Variants in CACNA2D1 observed in about 807,000 individuals in gnomAD.
CACNA2D1 encodes voltage-dependent calcium channel subunit alpha-2/delta-1.
In CACNA2D1, 53 loss-of-function variants were observed where a neutral mutation model predicts 171.5. The ratio of observed to expected loss-of-function variants is 0.31; its 90% CI spans 0.25 to 0.39. The LOEUF (loss-of-function observed/expected upper bound fraction) is 0.39. CACNA2D1 is among the 10% of genes least tolerant of loss of function. CACNA2D1 has a pLI of 1.00. For missense variants in CACNA2D1, 903 were observed against 1,299.8 expected, an observed-to-expected ratio of 0.69 and a Z score of 4.69; for synonymous variants, 442 against 443.1, an observed-to-expected ratio of 1.00 and a Z score of 0.03.
chr7:82,291,199 T>G (rs1341271832), intron 3 of CACNA2D1, among the ~76,000 whole-genome samples: 1 of 140,596 alleles, frequency 7.1e-6, no homozygotes, highest in African/African-American at 2.7e-5. Flanking sequence ...TATAGAATTC[T>G]ATATCTATAA....
chr7:82,071,748 G>T (rs572438391), intron 7 of CACNA2D1, among the ~76,000 whole-genome samples: 1 of 152,218 alleles, frequency 6.6e-6, no homozygotes, highest in South Asian at 2.1e-4. Context: ...AGACTGCCCT[G>T]CCAGAAACTA....
At chr7:82,055,918 A>ATGTG (rs541931399) in intron 10 of CACNA2D1, among the ~76,000 whole-genome samples, 2 of 54,016 alleles carry the variant, frequency 3.7e-5, no homozygotes, top group African/African-American at 9.7e-5. Flanking sequence ...TATAATAAAT[A>ATGTG]TGTGTGTGTG....
chr7:82,438,124 T>C (rs1418694105), intron 1 of CACNA2D1, among the ~76,000 whole-genome samples: 1 of 152,196 alleles, frequency 6.6e-6, no homozygotes, highest in Non-Finnish European at 1.5e-5. Flanking sequence ...TCAGGCTGCT[T>C]GTGTATGCAA....
intron 3 of CACNA2D1, among the ~76,000 whole-genome samples, chr7:82,279,482 C>T (rs573738964): frequency 3.0e-4 from 45 of 152,252 alleles, no homozygotes; most frequent in East Asian, 1.7e-3. Flanking sequence ...AAATGACTGG[C>T]TAATAATGTT....
rs1399467139 is a variant in CACNA2D1 at position 82,117,033 on chromosome 7, C to A, written c.526+11G>T. 1 of 1,613,502 alleles carries A rather than the reference C, an allele frequency of 6.2e-7. No homozygotes were observed. Among genetic ancestry groups the A allele is most frequent in the South Asian group, 1.1e-5 (1 of 91,074 alleles). On this transcript the variant is annotated intron_variant, in intron 6 of 38. Coordinates refer to ENST00000356860, the MANE Select transcript of CACNA2D1 (RefSeq NM_000722.4). ...TGGTATTCCAACAGATGTTAACATTCTTTTACTTACAGCCCTCATAGATGT... is the reference window on the plus strand; with the variant it reads ...TGGTATTCCAACAGATGTTAACATTATTTTACTTACAGCCCTCATAGATGT...
At position 82,056,734 on chromosome 7, in the gene CACNA2D1, G is replaced by A. The variant is rs1805953548; in HGVS notation, c.879+3694C>T. Among the ~76,000 whole-genome samples, 3 of 152,128 alleles carry A rather than the reference G, an allele frequency of 2.0e-5. No individual in the cohort carries two copies. In the South Asian group the frequency reaches 6.2e-4, roughly 32 times the overall value. Reference sequence around the variant, plus strand: ...TATTGCATTTTACCCCCTTGGAGAAGGGGTCAAATTTGTTTTTCCTATTAT... The same window carrying A: ...TATTGCATTTTACCCCCTTGGAGAAAGGGTCAAATTTGTTTTTCCTATTAT... On this transcript the variant is annotated intron_variant, in intron 10 of 38. Coordinates refer to ENST00000356860, the MANE Select transcript of CACNA2D1 (RefSeq NM_000722.4).
chr7:82,118,024 C>T (rs930212464), intron 5 of CACNA2D1, among the ~76,000 whole-genome samples: 2 of 151,996 alleles, frequency 1.3e-5, no homozygotes, highest in African/African-American at 2.4e-5. Context: ...TCAGGTATAT[C>T]AATTTTTGTT....
chr7:82,386,926 C>G (rs1824475304), intron 1 of CACNA2D1, among the ~76,000 whole-genome samples: 1 of 151,786 alleles, frequency 6.6e-6, no homozygotes, highest in Non-Finnish European at 1.5e-5. Context: ...TAGCTTTTAA[C>G]AATCAAGTAA....
intron 3 of CACNA2D1, among the ~76,000 whole-genome samples, chr7:82,261,939 G>A (rs1164558826): frequency 6.6e-6 from 1 of 152,152 alleles, no homozygotes; most frequent in Non-Finnish European, 1.5e-5. Context: ...AGGAATTAGT[G>A]AATGTTAACT....
chr7:82,039,814 T>G (rs1369497762), intron 10 of CACNA2D1, among the ~76,000 whole-genome samples: 1 of 152,140 alleles, frequency 6.6e-6, no homozygotes, highest in African/African-American at 2.4e-5. Context: ...AAAAGAAGCC[T>G]TTTTAAGAAA....
At position 82,069,591 on chromosome 7, in the gene CACNA2D1, T is replaced by G. The variant is rs377604485; in HGVS notation, c.659-3067A>C. 2.2e-4 allele frequency among the ~76,000 whole-genome samples: 34 copies of G among 152,302 alleles called. No individual in the cohort carries two copies. In the East Asian group the frequency reaches 5.8e-3, roughly 26 times the overall value. On this transcript the variant is annotated intron_variant, in intron 7 of 38. Coordinates refer to ENST00000356860, the MANE Select transcript of CACNA2D1 (RefSeq NM_000722.4). ...TTATCAAATTGTTGATTTAAGCAGG[T>G]ATTTACTTGTGCATTAACTCAGAAT...
chr7:82,413,016 C>T (rs1035867083), intron 1 of CACNA2D1, among the ~76,000 whole-genome samples: 2 of 151,996 alleles, frequency 1.3e-5, no homozygotes, highest in African/African-American at 4.8e-5. Flanking sequence ...ATTCTCTTAA[C>T]TGTAATAATT....
At chr7:82,346,599 TACAA>T (rs1331432672) in intron 2 of CACNA2D1, among the ~76,000 whole-genome samples, 2 of 152,104 alleles carry the variant, frequency 1.3e-5, no homozygotes, top group African/African-American at 4.8e-5. Flanking sequence ...TCAATGGAAA[TACAA>T]ACAAACCATT....
At chr7:82,307,345 CAG>C (rs976100132) in intron 3 of CACNA2D1, among the ~76,000 whole-genome samples, 9 of 151,624 alleles carry the variant, frequency 5.9e-5, no homozygotes, top group African/African-American at 2.2e-4. Flanking sequence ...TTAGTAGAGA[CAG>C]AGTTTCACCA....
intron 1 of CACNA2D1, among the ~76,000 whole-genome samples, chr7:82,411,309 T>C (rs1585866326): frequency 6.6e-6 from 1 of 152,232 alleles, no homozygotes; most frequent in African/African-American, 2.4e-5. Context: ...CCACTATTAC[T>C]GTCTATATAG....
At chr7:82,052,066 A>C (rs1332236627) in intron 10 of CACNA2D1, among the ~76,000 whole-genome samples, 1 of 152,216 alleles carries the variant, frequency 6.6e-6, no homozygotes, top group African/African-American at 2.4e-5. Context: ...ATAACCCTAA[A>C]AATGAGAGGC....
intron 18 of CACNA2D1, among the ~76,000 whole-genome samples, chr7:82,000,753 C>A (rs1465963830): frequency 1.5e-5 from 2 of 135,674 alleles, no homozygotes; most frequent in Non-Finnish European, 1.5e-5. Context: ...TACTACCATG[C>A]CTAACTAATT....
At chr7:82,098,704 A>G (rs1179854441) in intron 6 of CACNA2D1, among the ~76,000 whole-genome samples, 1 of 152,150 alleles carries the variant, frequency 6.6e-6, no homozygotes, top group Non-Finnish European at 1.5e-5. Flanking sequence ...AGATACTTCA[A>G]ATTGCTGACA....
Position 82,066,526 on chromosome 7 carries a change from T to TAAAAAAAAA in CACNA2D1, c.659-11_659-3dup. ...TACTATTATCAACCCATGGTGAAGCTAAAAAAAAAAAAAAAAGAGAGATAT... is the reference window on the plus strand; with the variant it reads ...TACTATTATCAACCCATGGTGAAGCTAAAAAAAAAAAAAAAAAAAAAAAAAGAGAGATAT... On this transcript the variant is annotated splice_region_variant and splice_polypyrimidine_tract_variant and intron_variant, in intron 7 of 38. Coordinates refer to ENST00000356860, the MANE Select transcript of CACNA2D1 (RefSeq NM_000722.4). 1 of 1,448,198 alleles carries TAAAAAAAAA rather than the reference T, an allele frequency of 6.9e-7. No homozygotes were observed. Among genetic ancestry groups the TAAAAAAAAA allele is most frequent in the East Asian group, 2.6e-5 (1 of 39,150 alleles). 89.7% of individuals were successfully genotyped at this position (1,448,198 alleles called of 1,614,324 possible).
Sources: gnomAD v4.1 joint callset for allele counts (sites outside exome capture counted in the v4.1 genomes callset) on GRCh38, gnomAD v4.1.1 for gene constraint, MANE v1.5 for transcripts, NCBI Gene and HGNC (gene_info 2026-07-23, HGNC 2026-07-21) for gene names.